ESF1: variants seen among roughly 807,000 people sequenced by gnomAD.
ESF1 encodes the protein ESF1 homolog.
In ESF1, 58 loss-of-function variants were observed where a neutral mutation model predicts 92.0. The observed-to-expected ratio is 0.63, with a 90% CI of 0.51 to 0.78. ESF1 has a LOEUF of 0.78. Among genes scored for constraint, ESF1 ranks in the 30% least tolerant of loss-of-function variants. ESF1 has a pLI of 0.00. For missense variants in ESF1, 922 were observed against 989.1 expected, an observed-to-expected ratio of 0.93 and a Z score of 0.91; for synonymous variants, 321 against 313.7, an observed-to-expected ratio of 1.02 and a Z score of -0.24.
chr20:13,755,950 T>C (rs1044599319), intron 9 of ESF1, among the ~76,000 whole-genome samples: 1 of 152,204 alleles, frequency 6.6e-6, no homozygotes, highest in African/African-American at 2.4e-5. Flanking sequence ...GAGGTTAATA[T>C]TTTGGAGAGT....
chr20:13,761,870 G>A (rs139610175), intron 8 of ESF1, among the ~76,000 whole-genome samples: 5 of 152,258 alleles, frequency 3.3e-5, no homozygotes, highest in Admixed American at 3.3e-4. Flanking sequence ...AGAAACCTGG[G>A]TTTTAATGCA....
chr20:13,781,776 C>T (rs1383545592), intron 2 of ESF1, among the ~76,000 whole-genome samples: 1 of 152,234 alleles, frequency 6.6e-6, no homozygotes, highest in Non-Finnish European at 1.5e-5. Flanking sequence ...ATTCTGCCTG[C>T]CACATACTAG....
intron 3 of ESF1, among the ~76,000 whole-genome samples, chr20:13,775,477 C>G (rs1979889031): frequency 6.6e-6 from 1 of 152,152 alleles, no homozygotes; most frequent in South Asian, 2.1e-4. Flanking sequence ...CTTTCTCTTA[C>G]TTGGTTCTTA....
intron 8 of ESF1, among the ~76,000 whole-genome samples, chr20:13,760,773 G>A (rs1037907144): frequency 7.7e-5 from 11 of 143,354 alleles, no homozygotes; most frequent in South Asian, 2.3e-4. Context: ...GTCAGCCCCC[G>A]CCCGGCCAGC....
chr20:13,751,700 GTC>G (rs1218554086), intron 9 of ESF1, among the ~76,000 whole-genome samples: 2 of 152,180 alleles, frequency 1.3e-5, no homozygotes, highest in Non-Finnish European at 2.9e-5. Flanking sequence ...TTCTTGGAAA[GTC>G]TCTTTTTAAA....
intron 8 of ESF1, among the ~76,000 whole-genome samples, chr20:13,764,925 A>C (rs529048259): frequency 5.3e-4 from 81 of 151,988 alleles, no homozygotes; most frequent in African/African-American, 1.7e-3. Flanking sequence ...ATTAAAAAAA[A>C]AAAAACAAAA....
intron 1 of ESF1, 95 bp from the exon 2 acceptor site, chr20:13,783,278 T>G: frequency 1.0e-6 from 1 of 954,548 alleles, no homozygotes; most frequent in Non-Finnish European, 1.5e-6. Flanking sequence ...AGTTAATATA[T>G]TCTAAGTTAA....
intron 9 of ESF1, among the ~76,000 whole-genome samples, chr20:13,752,975 T>C (rs1431278420): frequency 6.6e-6 from 1 of 152,058 alleles, no homozygotes; most frequent in Non-Finnish European, 1.5e-5. Flanking sequence ...GCACCTCTAG[T>C]TTTCTGGTTT....
intron 2 of ESF1, among the ~76,000 whole-genome samples, chr20:13,781,358 T>A (rs1456149022): frequency 6.6e-6 from 1 of 152,216 alleles, no homozygotes; most frequent in Non-Finnish European, 1.5e-5. Context: ...ATAATTTTGA[T>A]ATATTGGGTT....
chr20:13,783,673 G>A (rs548094337), intron 1 of ESF1, among the ~76,000 whole-genome samples: 3 of 152,254 alleles, frequency 2.0e-5, no homozygotes, highest in Non-Finnish European at 4.4e-5. Flanking sequence ...AAATGAGCCC[G>A]GCATGGTGGC....
intron 2 of ESF1, among the ~76,000 whole-genome samples, chr20:13,777,535 T>G (rs1340990092): frequency 1.3e-5 from 2 of 152,192 alleles, no homozygotes; most frequent in African/African-American, 4.8e-5. Flanking sequence ...TCATACGCAG[T>G]TGACAACAGA....
intron 9 of ESF1, among the ~76,000 whole-genome samples, chr20:13,737,390 T>C (rs1389675227): frequency 3.9e-5 from 6 of 152,330 alleles, no homozygotes; most frequent in Admixed American, 2.6e-4. Flanking sequence ...AATAAGAGTA[T>C]ACATTCTGCC....
intron 1 of ESF1, 80 bp from the exon 2 acceptor site, chr20:13,783,263 T>G (rs991219164): frequency 2.0e-6 from 2 of 1,006,622 alleles, no homozygotes; most frequent in Non-Finnish European, 2.8e-6. Flanking sequence ...TCACAATATA[T>G]TCTAAGTTAA....
intron 2 of ESF1, among the ~76,000 whole-genome samples, chr20:13,778,897 T>C (rs964293300): frequency 2.6e-5 from 4 of 151,936 alleles, no homozygotes; most frequent in African/African-American, 7.3e-5. Context: ...AATACAAAAA[T>C]TAGCTAGGCA....
intron 9 of ESF1, among the ~76,000 whole-genome samples, chr20:13,757,386 CATTACT>C (rs1470712356): frequency 6.6e-6 from 1 of 152,024 alleles, no homozygotes; most frequent in Non-Finnish European, 1.5e-5. Flanking sequence ...ATTTGCCCTA[CATTACT>C]ATGTTTTGTT....
At chr20:13,750,445 C>T (rs1978580035) in intron 9 of ESF1, among the ~76,000 whole-genome samples, 1 of 152,040 alleles carries the variant, frequency 6.6e-6, no homozygotes, top group Non-Finnish European at 1.5e-5. Context: ...GCAGCGGTTG[C>T]AGTGAGCCAA....
chr20:13,770,034 G>C lies in ESF1; in HGVS notation c.1404-13C>G. The stretch of plus-strand genomic sequence containing the variant: ...ATCTGGTATAAACCTAAGAAGTAAA[G>C]AAAAAAAATTTATTTAAAATACGCT... On this transcript the variant is annotated splice_polypyrimidine_tract_variant and intron_variant, in intron 6 of 13. Coordinates refer to ENST00000617257, the MANE Select transcript of ESF1 (RefSeq NM_001276380.2). 6.6e-7 allele frequency: 1 copy of C among 1,512,044 alleles called. No individual in the cohort carries two copies. The highest frequency in any genetic ancestry group is 9.0e-7 in the Non-Finnish European group (1 of 1,106,512). 93.7% of individuals were successfully genotyped at this position (1,512,044 alleles called of 1,614,324 possible). A position where few individuals can be genotyped will look rare whatever the true frequency, so the allele number is the denominator to read the frequency against.
intron 9 of ESF1, among the ~76,000 whole-genome samples, chr20:13,739,868 A>C (rs2049999928): frequency 6.6e-6 from 1 of 152,110 alleles, no homozygotes; most frequent in Non-Finnish European, 1.5e-5. Context: ...CAGCACACAG[A>C]GTTTGAAGCC....
Position 13,714,834 on chromosome 20 carries a change from A to G in ESF1, c.*40T>C, listed in dbSNP as rs778407441. On this transcript the variant is annotated 3_prime_UTR_variant, in exon 14 of 14. Transcript: ENST00000617257. The stretch of plus-strand genomic sequence containing the variant: ...CCCTCCTATTATTTTTGTACATTTT[A>G]GGAAAAGATGTATTCAGTTCAAAAA... 2.7e-6 allele frequency: 4 copies of G among 1,471,146 alleles called. No homozygotes were observed. The Admixed American group carries it at 9.1e-5, about 33-fold the overall frequency. 91.1% of individuals were successfully genotyped at this position (1,471,146 alleles called of 1,614,324 possible).
Sources: allele counts gnomAD v4.1 joint callset (sites outside exome capture counted in the v4.1 genomes callset), GRCh38; gene constraint gnomAD v4.1.1; transcripts MANE v1.5; gene names NCBI Gene and HGNC (gene_info 2026-07-23, HGNC 2026-07-21).